ARMCX4: variants seen among roughly 807,000 people sequenced by gnomAD.
ARMCX4 encodes armadillo repeat-containing X-linked protein 4.
ARMCX4 carries 3 observed loss-of-function variants against 34.7 expected under a neutral mutation model. The observed-to-expected ratio is 0.09, with a 90% CI of 0.04 to 0.22. ARMCX4 has a LOEUF of 0.22. ARMCX4 is among the 10% of genes least tolerant of loss of function. ARMCX4 has a pLI of 1.00. For missense variants in ARMCX4, 1,448 were observed against 1,720.8 expected (o/e 0.84, Z 2.81); for synonymous variants, 513 against 632.8 (o/e 0.81, Z 2.84).
At chrX:101,522,865 T>G (rs953220182) in intron 11 of ARMCX4, among the ~76,000 whole-genome samples, 1 of 112,497 alleles carries the variant, frequency 8.9e-6, no homozygotes, top group South Asian at 3.6e-4. Flanking sequence ...TTATAAAGTC[T>G]TGTAAGTTAG....
At position 101,495,346 on chromosome X, in the gene ARMCX4, C is replaced by T. The variant is rs782597979; in HGVS notation, c.6757C>T (p.Leu2253Phe). ...FTQDKFSKNS[L>F]YFLFQRPKAC... ...CCAGGACAAATTCAGTAAAAATTCC[C>T]TTTATTTCCTATTCCAACGACCTAA... is the stretch of plus-strand genomic sequence containing the variant. Residue 2253 changes from leucine to phenylalanine, a missense_variant, in exon 6 of 6, where the codon CTT becomes TTT. Physicochemically the swap from Leu to Phe is conservative, Grantham distance 22 (BLOSUM62 0). Coordinates refer to ENST00000423738, the MANE Select transcript of ARMCX4 (RefSeq NM_001256155.3). 8.7e-6 allele frequency: 10 copies of T among 1,153,759 alleles called. No individual in the cohort carries two copies. Among genetic ancestry groups the T allele is most frequent in the Non-Finnish European group, 1.1e-5 (10 of 871,645 alleles).
intron 11 of ARMCX4, among the ~76,000 whole-genome samples, chrX:101,522,352 G>T (rs1406696650): frequency 4.5e-5 from 5 of 111,325 alleles, no homozygotes; most frequent in African/African-American, 6.5e-5. Flanking sequence ...ATCTTTTTCT[G>T]TCCTACTTTC....
chrX:101,462,544 G>A (rs1448182707), intron 4 of ARMCX4, among the ~76,000 whole-genome samples: 1 of 106,876 alleles, frequency 9.4e-6, no homozygotes, highest in Non-Finnish European at 1.9e-5. Flanking sequence ...GGAGGCTGAG[G>A]CAGGAGAATC....
chrX:101,479,893 C>T (rs1933365296), intron 4 of ARMCX4, among the ~76,000 whole-genome samples: 1 of 110,387 alleles, frequency 9.1e-6, no homozygotes, highest in African/African-American at 3.3e-5. Context: ...TTGGAAAAAG[C>T]AGGGCAATGA....
rs190419058 is a variant in ARMCX4, at chrX:101,521,989, A to G, written c.*1781-9655A>G. 2.7e-5 allele frequency among the ~76,000 whole-genome samples: 3 copies of G among 111,396 alleles called. No homozygotes were observed. The East Asian group carries it at 8.4e-4, about 31-fold the overall frequency. On this transcript the variant is annotated intron_variant and NMD_transcript_variant, in intron 11 of 12. Transcript: ENST00000354842. The stretch of plus-strand genomic sequence containing the variant: ...TATGTATTTTTCTGTTGTTTAGTGA[A>G]GTGTTCTATAGATGTCTGCCACTTC...
intron 11 of ARMCX4, among the ~76,000 whole-genome samples, chrX:101,529,877 C>A (rs1288504013): frequency 9.0e-6 from 1 of 111,697 alleles, no homozygotes; most frequent in African/African-American, 3.2e-5. Flanking sequence ...CACTTTTACA[C>A]TGTTGGTGGG....
intron 2 of ARMCX4, among the ~76,000 whole-genome samples, chrX:101,437,096 C>T (rs1244269427): frequency 1.8e-5 from 2 of 111,640 alleles, no homozygotes; most frequent in East Asian, 5.6e-4. Context: ...GGATATTGGT[C>T]TAAAATTCTC....
intron 4 of ARMCX4, among the ~76,000 whole-genome samples, chrX:101,471,608 T>C (rs889202362): frequency 1.7e-3 from 193 of 111,918 alleles, no homozygotes; most frequent in Non-Finnish European, 2.9e-3. Flanking sequence ...AGCTGGAGAT[T>C]TGAGAACGGG....
At chrX:101,503,032 A>G (rs1556014153) in intron 7 of ARMCX4, among the ~76,000 whole-genome samples, 1 of 100,289 alleles carries the variant, frequency 1.0e-5, no homozygotes, top group African/African-American at 3.7e-5. Flanking sequence ...GAGAACATGC[A>G]GTGTTTGGTT....
intron 2 of ARMCX4, among the ~76,000 whole-genome samples, chrX:101,436,124 C>A (rs201899236): frequency 0.47 from 49,144 of 104,338 alleles, 10,191 homozygotes; most frequent in Non-Finnish European, 0.61. Context: ...CTTGGCAATG[C>A]AGGCTCTTTT....
intron 2 of ARMCX4, among the ~76,000 whole-genome samples, chrX:101,436,766 A>G (rs1420478722): frequency 1.8e-5 from 2 of 111,444 alleles, no homozygotes; most frequent in African/African-American, 6.5e-5. Context: ...ATTCAGTATG[A>G]TATTGACTGT....
intron 4 of ARMCX4, among the ~76,000 whole-genome samples, chrX:101,458,606 C>G (rs1025581657): frequency 2.2e-4 from 24 of 107,912 alleles, no homozygotes; most frequent in African/African-American, 6.4e-4. Flanking sequence ...CGTGTCTCAG[C>G]CTCCCGAGTA....
intron 3 of ARMCX4, among the ~76,000 whole-genome samples, chrX:101,444,890 A>G (rs1357785628): frequency 9.0e-6 from 1 of 111,464 alleles, no homozygotes; most frequent in Non-Finnish European, 1.9e-5. Flanking sequence ...CAAATATACA[A>G]TAATTATTAT....
chrX:101,425,968 G>A (rs1317709815), intron 2 of ARMCX4, among the ~76,000 whole-genome samples: 1 of 110,385 alleles, frequency 9.1e-6, no homozygotes, highest in Admixed American at 9.8e-5. Context: ...TTAGAGGTGC[G>A]CACACCACCA....
At chrX:101,475,197 C>T (rs1257765528) in intron 4 of ARMCX4, among the ~76,000 whole-genome samples, 1 of 110,141 alleles carries the variant, frequency 9.1e-6, no homozygotes, top group African/African-American at 3.3e-5. Context: ...TGCCTGTAGT[C>T]CCAGCTACTC....
At chrX:101,485,405 T>C (rs1470810785), upstream of ARMCX4, 11 of 332,144 alleles carry the variant, frequency 3.3e-5, no homozygotes, top group Non-Finnish European at 3.5e-5. Flanking sequence ...TGACGCGCGG[T>C]CCTCACGTGA....
intron 4 of ARMCX4, among the ~76,000 whole-genome samples, chrX:101,454,992 C>T (rs908998460): frequency 9.0e-6 from 1 of 111,590 alleles, no homozygotes; most frequent in African/African-American, 3.3e-5. Flanking sequence ...ACCTAATTAC[C>T]TCTCAAAGTC....
chrX:101,523,709 A>G (rs1487983645), intron 11 of ARMCX4, among the ~76,000 whole-genome samples: 2 of 111,474 alleles, frequency 1.8e-5, no homozygotes, highest in Non-Finnish European at 3.8e-5. Flanking sequence ...TCTATAATAT[A>G]TTATCTAACA....
chrX:101,464,869 A>G (rs782700704), intron 4 of ARMCX4, among the ~76,000 whole-genome samples: 2 of 111,643 alleles, frequency 1.8e-5, no homozygotes, highest in African/African-American at 6.5e-5. Context: ...AGAAAATCTC[A>G]CAGGCTTTGG....
Sources: gnomAD v4.1 joint callset for allele counts (sites outside exome capture counted in the v4.1 genomes callset) on GRCh38, gnomAD v4.1.1 for gene constraint, MANE v1.5 for transcripts, NCBI Gene and HGNC (gene_info 2026-07-23, HGNC 2026-07-21) for gene names.